Variants in SFXN1 observed in about 807,000 individuals in gnomAD.
SFXN1 encodes the protein sideroflexin-1.
Under a neutral mutation model 39.5 loss-of-function variants are expected in SFXN1, and 32 were observed. The ratio of observed to expected loss-of-function variants is 0.81; its 90% CI spans 0.61 to 1.09. The LOEUF is 1.09. Among genes scored for constraint, SFXN1 ranks in the 50% least tolerant of loss-of-function variants. SFXN1 has a pLI of 0.00. For missense variants in SFXN1, 402 were observed against 407.1 expected, an observed-to-expected ratio of 0.99 and a Z score of 0.11; for synonymous variants, 136 against 146.5, an observed-to-expected ratio of 0.93 and a Z score of 0.52.
chr5:175,479,886 C>G (rs1759166882), intron 1 of SFXN1, among the ~76,000 whole-genome samples: 1 of 152,170 alleles, frequency 6.6e-6, no homozygotes, highest in South Asian at 2.1e-4. Flanking sequence ...CTTTGTCCAT[C>G]CCCCTTTTAC....
intron 8 of SFXN1, among the ~76,000 whole-genome samples, chr5:175,518,383 GTT>G (rs139507621): frequency 0.044 from 6,632 of 152,098 alleles, 490 homozygotes; most frequent in African/African-American, 0.15. Context: ...GTTCATTCAT[GTT>G]TTTTTCAGCA....
At chr5:175,521,099 C>G (rs568692770) in intron 8 of SFXN1, among the ~76,000 whole-genome samples, 1 of 152,068 alleles carries the variant, frequency 6.6e-6, no homozygotes, top group African/African-American at 2.4e-5. Context: ...ACAACCAGCT[C>G]ACACCTTGGT....
chr5:175,517,075 C>T (rs1411026337), intron 8 of SFXN1, among the ~76,000 whole-genome samples: 1 of 152,168 alleles, frequency 6.6e-6, no homozygotes, highest in African/African-American at 2.4e-5. Flanking sequence ...CAGTGACAAA[C>T]ACTGAACAGA....
At chr5:175,522,047 T>G in intron 9 of SFXN1, 79 bp downstream of exon 9, 3 of 1,225,594 alleles carry the variant, frequency 2.4e-6, no homozygotes, top group Non-Finnish European at 3.5e-6. Context: ...CTGGGTAATA[T>G]GGGATACAAA....
chr5:175,516,942 T>A (rs988247732), intron 8 of SFXN1, among the ~76,000 whole-genome samples: 2 of 152,148 alleles, frequency 1.3e-5, no homozygotes, highest in African/African-American at 4.8e-5. Context: ...GAAGAGATGA[T>A]GTGAATTTGG....
At chr5:175,482,953 C>T (rs1759311059) in intron 1 of SFXN1, among the ~76,000 whole-genome samples, 1 of 152,088 alleles carries the variant, frequency 6.6e-6, no homozygotes, top group Admixed American at 6.6e-5. Context: ...CTTTCCAAAC[C>T]CAGGACCAAG....
At chr5:175,526,262 T>C (rs1236544000) in intron 10 of SFXN1, among the ~76,000 whole-genome samples, 1 of 152,200 alleles carries the variant, frequency 6.6e-6, no homozygotes, top group Non-Finnish European at 1.5e-5. Context: ...ATCTCTTTTT[T>C]TATCAATGGT....
chr5:175,485,811 C>T (rs1759429175), intron 1 of SFXN1, among the ~76,000 whole-genome samples: 1 of 152,120 alleles, frequency 6.6e-6, no homozygotes, highest in Non-Finnish European at 1.5e-5. Context: ...AAGTAGTTGG[C>T]GTCAAGAACT....
chr5:175,506,098 G>A (rs879563310), intron 2 of SFXN1, among the ~76,000 whole-genome samples: 19 of 152,186 alleles, frequency 1.2e-4, no homozygotes, highest in Non-Finnish European at 2.6e-4. Context: ...GATTACAGGC[G>A]TAAGCCATTG....
chr5:175,479,057 C>T (rs931664518), intron 1 of SFXN1, among the ~76,000 whole-genome samples: 2 of 152,238 alleles, frequency 1.3e-5, no homozygotes, highest in Admixed American at 1.3e-4. Context: ...GCGCTCCGCG[C>T]TCTCGGCTTT....
At chr5:175,522,936 A>T (rs1760927345) in intron 10 of SFXN1, 1 of 152,660 alleles carries the variant, frequency 6.6e-6, no homozygotes, top group Non-Finnish European at 1.5e-5. Context: ...ACTGGCGTTA[A>T]ATCGGCATTT....
At chr5:175,479,958 G>A (rs2113243127) in intron 1 of SFXN1, among the ~76,000 whole-genome samples, 1 of 152,258 alleles carries the variant, frequency 6.6e-6, no homozygotes, top group South Asian at 2.1e-4. Flanking sequence ...GGTAAATGAG[G>A]AGGCTTTGCA....
At chr5:175,517,768 C>T (rs1561674312) in intron 8 of SFXN1, among the ~76,000 whole-genome samples, 2 of 152,108 alleles carry the variant, frequency 1.3e-5, no homozygotes, top group African/African-American at 2.4e-5. Context: ...ATTGTGAAGG[C>T]GGGCTTCACC....
At chr5:175,519,198 C>T (rs1449250984) in intron 8 of SFXN1, among the ~76,000 whole-genome samples, 2 of 152,182 alleles carry the variant, frequency 1.3e-5, no homozygotes, top group African/African-American at 2.4e-5. Flanking sequence ...AAAGATTGAT[C>T]ATAGCAAGTG....
chr5:175,480,278 G>GT (rs1759189822), intron 1 of SFXN1, among the ~76,000 whole-genome samples: 1 of 152,152 alleles, frequency 6.6e-6, no homozygotes, highest in Non-Finnish European at 1.5e-5. Flanking sequence ...GCGGGCGCCT[G>GT]TAGTCCCAGC....
chr5:175,481,367 G>T (rs1759241987), intron 1 of SFXN1, among the ~76,000 whole-genome samples: 1 of 152,184 alleles, frequency 6.6e-6, no homozygotes, highest in Admixed American at 6.5e-5. Context: ...TGTTGCCCAG[G>T]CTGGAGTGCA....
Position 175,529,546 on chromosome 5 carries a change from A to G in SFXN1, c.*2812A>G, listed in dbSNP as rs1364352815. On this transcript the variant is annotated 3_prime_UTR_variant, in exon 11 of 11. Transcript: ENST00000321442. ...CTTTTCTGGAGAAAAAAAAATCCACATGAAGTGCAATAAGCTTATAAAGCT... is the reference window on the plus strand; with the variant it reads ...CTTTTCTGGAGAAAAAAAAATCCACGTGAAGTGCAATAAGCTTATAAAGCT... 1 of 152,314 alleles carries G rather than the reference A, an allele frequency of 6.6e-6. No individual in the cohort carries two copies. Among genetic ancestry groups the G allele is most frequent in the African/African-American group, 2.4e-5 (1 of 41,574 alleles). The allele number at this position is 152,314 out of a possible 1,614,324, so 9.4% of individuals were successfully genotyped here. A position where few individuals can be genotyped will look rare whatever the true frequency, so the allele number is the denominator to read the frequency against.
At chr5:175,493,192 G>T (rs553971351) in intron 2 of SFXN1, among the ~76,000 whole-genome samples, 1 of 152,094 alleles carries the variant, frequency 6.6e-6, no homozygotes, top group Non-Finnish European at 1.5e-5. Flanking sequence ...GGCAGAGCCG[G>T]CAGTGAGCCA....
chr5:175,499,822 CAA>C (rs1384944178), intron 2 of SFXN1, among the ~76,000 whole-genome samples: 1 of 151,160 alleles, frequency 6.6e-6, no homozygotes, highest in African/African-American at 2.4e-5. Context: ...CTTTTTTTTT[CAA>C]AAAAGACAAA....
Sources: gnomAD v4.1 joint callset for allele counts (sites outside exome capture counted in the v4.1 genomes callset) on GRCh38, gnomAD v4.1.1 for gene constraint, MANE v1.5 for transcripts, NCBI Gene and HGNC (gene_info 2026-07-23, HGNC 2026-07-21) for gene names.